MBD2: variants seen among roughly 807,000 people sequenced by gnomAD.
The protein encoded by MBD2 is methyl-CpG-binding domain protein 2.
Under a neutral mutation model 39.3 loss-of-function variants are expected in MBD2, and 9 were observed. The observed-to-expected ratio is 0.23, with a 90% CI of 0.14 to 0.40. The LOEUF (loss-of-function observed/expected upper bound fraction) is 0.40, where lower values mean the gene tolerates loss of function less well. Ranked by LOEUF, MBD2 falls within the 10% of genes least tolerant of loss-of-function variation. MBD2 has a pLI of 1.00. For synonymous variants in MBD2, 233 were observed against 211.1 expected (o/e 1.10, Z -0.90); for missense variants, 458 against 532.6 (o/e 0.86, Z 1.38).
chr18:54,201,690 G>A (rs949439694), intron 2 of MBD2, among the ~76,000 whole-genome samples: 2 of 151,792 alleles, frequency 1.3e-5, no homozygotes, highest in African/African-American at 2.4e-5. Flanking sequence ...GTGAAACTCC[G>A]TCTCTACTAA....
At chr18:54,206,026 C>G (rs192981224) in intron 1 of MBD2, among the ~76,000 whole-genome samples, 41 of 152,116 alleles carry the variant, frequency 2.7e-4, no homozygotes, top group African/African-American at 9.9e-4. Flanking sequence ...CCAATTTGGG[C>G]TCATAACACT....
At chr18:54,199,850 T>A (rs1457574180) in intron 2 of MBD2, among the ~76,000 whole-genome samples, 3 of 152,184 alleles carry the variant, frequency 2.0e-5, no homozygotes, top group Non-Finnish European at 1.5e-5. Context: ...GTCTCCATAC[T>A]GTGCCCCACT....
At chr18:54,189,725 C>A (rs944532412) in intron 2 of MBD2, among the ~76,000 whole-genome samples, 5 of 152,082 alleles carry the variant, frequency 3.3e-5, no homozygotes, top group Non-Finnish European at 7.4e-5. Flanking sequence ...TCATGGCTCA[C>A]GGCAGCCTTG....
rs181169844 is a variant in MBD2 at position 54,207,801 on chromosome 18, G to T, written c.543-2644C>A. Among the ~76,000 whole-genome samples, 309 of 152,240 alleles carry T rather than the reference G, an allele frequency of 2.0e-3. 4 individuals carry two copies. The highest frequency in any genetic ancestry group is 0.01 in the Middle Eastern group (3 of 294). Reference sequence around the variant, plus strand: ...GCCTGTAATCCCAGCACTTTGGGAGGCCGAGGCGGGCAGATCACGAGGTCA... The same window carrying T: ...GCCTGTAATCCCAGCACTTTGGGAGTCCGAGGCGGGCAGATCACGAGGTCA... On this transcript the variant is annotated intron_variant, in intron 1 of 6. Transcript: ENST00000256429.
At chr18:54,164,371 T>C in intron 5 of MBD2, 152 bp downstream of exon 5, 1 of 645,326 alleles carries the variant, frequency 1.5e-6, no homozygotes, top group Non-Finnish European at 2.6e-6. Context: ...TTTCACCTTC[T>C]ATCAGTTTCT....
chr18:54,165,543 A>G (rs536667246), intron 4 of MBD2, among the ~76,000 whole-genome samples: 1 of 152,328 alleles, frequency 6.6e-6, no homozygotes, highest in East Asian at 1.9e-4. Flanking sequence ...CTCATACAGC[A>G]TGAAATGTAG....
intron 3 of MBD2, among the ~76,000 whole-genome samples, chr18:54,170,432 A>G (rs1259795728): frequency 1.3e-5 from 2 of 152,198 alleles, no homozygotes; most frequent in Non-Finnish European, 2.9e-5. Flanking sequence ...ACTCCTCGCC[A>G]CCATTCACAG....
Position 54,164,543 on chromosome 18 carries a change from A to G in MBD2, c.1089T>C (p.Ile363=). The G allele has an allele frequency of 6.2e-7, 1 of 1,613,406 alleles. No individual in the cohort carries two copies. Among genetic ancestry groups the G allele is most frequent in the Non-Finnish European group, 8.5e-7 (1 of 1,179,314 alleles). ...NTSQPLCKAF[I]VTDEDIRKQE... ...ATTACCTGATGTCTTCATCTGTGAC[A>G]ATAAAAGCTTTGCAGAGGGGTTGAG... is the stretch of plus-strand genomic sequence containing the variant. The change falls in exon 5 of 7, where the codon ATT becomes ATC. Residue 363 remains isoleucine, a synonymous_variant. Coordinates refer to ENST00000256429, the MANE Select transcript of MBD2 (RefSeq NM_003927.5).
Position 54,153,139 on chromosome 18 carries a change from G to A in MBD2, c.*2185C>T, listed in dbSNP as rs1053609629. On this transcript the variant is annotated 3_prime_UTR_variant, in exon 7 of 7. Coordinates refer to ENST00000256429, the MANE Select transcript of MBD2 (RefSeq NM_003927.5). ...GGACAGGAAAGGCAGTTCATATGAA[G>A]GCAGTGATCGTGGGGATGGAGGAGA... 1 of 152,540 alleles carries A rather than the reference G, an allele frequency of 6.6e-6. No homozygotes were observed. Among genetic ancestry groups the A allele is most frequent in the East Asian group, 1.9e-4 (1 of 5,202 alleles). 9.4% of individuals were successfully genotyped at this position (152,540 alleles called of 1,614,324 possible). A position where few individuals can be genotyped will look rare whatever the true frequency, so the allele number is the denominator to read the frequency against.
At chr18:54,163,404 A>G (rs2086110101) in intron 5 of MBD2, among the ~76,000 whole-genome samples, 1 of 152,212 alleles carries the variant, frequency 6.6e-6, no homozygotes, top group Non-Finnish European at 1.5e-5. Flanking sequence ...GAAATAGTGA[A>G]GTATACACAA....
At position 54,153,040 on chromosome 18, in the gene MBD2, T is replaced by C. The variant is rs1317091068; in HGVS notation, c.*2284A>G. 2 of 152,124 alleles carry C rather than the reference T, an allele frequency of 1.3e-5. No individual in the cohort carries two copies. Among genetic ancestry groups the C allele is most frequent in the East Asian group, 3.9e-4 (2 of 5,188 alleles). 9.4% of individuals were successfully genotyped at this position (152,124 alleles called of 1,614,324 possible). A position where few individuals can be genotyped will look rare whatever the true frequency, so the allele number is the denominator to read the frequency against. ...GTTTTGATGATCTTTCTGATGACTA[T>C]GTGGAGGGATGGAGAGAGGGAAGGG... On this transcript the variant is annotated 3_prime_UTR_variant, in exon 7 of 7. Transcript: ENST00000256429.
intron 3 of MBD2, among the ~76,000 whole-genome samples, chr18:54,184,734 G>T (rs1752956803): frequency 6.6e-6 from 1 of 152,124 alleles, no homozygotes; most frequent in South Asian, 2.1e-4. Flanking sequence ...ATTTCCTCAA[G>T]CCTCCTAGCA....
chr18:54,191,444 A>G (rs583268), intron 2 of MBD2, among the ~76,000 whole-genome samples: 5,830 of 152,298 alleles, frequency 0.038, 359 homozygotes, highest in African/African-American at 0.13. Context: ...TAGAGTCTTC[A>G]TATAAAATCC....
chr18:54,192,605 C>T (rs937723407), intron 2 of MBD2, among the ~76,000 whole-genome samples: 6 of 152,258 alleles, frequency 3.9e-5, no homozygotes, highest in African/African-American at 1.4e-4. Context: ...CTTCAGTAGA[C>T]ACACAGAAGT....
At chr18:54,201,841 C>T (rs1254401694) in intron 2 of MBD2, among the ~76,000 whole-genome samples, 9 of 146,132 alleles carry the variant, frequency 6.2e-5, no homozygotes, top group East Asian at 4.0e-4. Context: ...CCAGCCTGGG[C>T]GACAGAGCGA....
At chr18:54,159,204 C>G (rs1452300704) in intron 6 of MBD2, among the ~76,000 whole-genome samples, 1 of 152,088 alleles carries the variant, frequency 6.6e-6, no homozygotes, top group Non-Finnish European at 1.5e-5. Context: ...GGCTTTCCAC[C>G]TGGTCTTAAT....
At chr18:54,187,551 TG>T (rs2086293814) in intron 3 of MBD2, among the ~76,000 whole-genome samples, 1 of 152,196 alleles carries the variant, frequency 6.6e-6, no homozygotes, top group South Asian at 2.1e-4. Flanking sequence ...ATGAATATAC[TG>T]CAACCTCCTG....
chr18:54,210,558 C>A (rs1274181642), intron 1 of MBD2, among the ~76,000 whole-genome samples: 1 of 152,196 alleles, frequency 6.6e-6, no homozygotes. Context: ...CATGGATAAT[C>A]ATAATGTTCA....
At chr18:54,156,278 T>C (rs1018779859) in intron 6 of MBD2, among the ~76,000 whole-genome samples, 8 of 152,238 alleles carry the variant, frequency 5.3e-5, no homozygotes, top group African/African-American at 1.9e-4. Flanking sequence ...TCTATAAGTC[T>C]AATGGCTTGA....
Sources: allele counts gnomAD v4.1 joint callset (sites outside exome capture counted in the v4.1 genomes callset), GRCh38; gene constraint gnomAD v4.1.1; transcripts MANE v1.5; gene names NCBI Gene and HGNC (gene_info 2026-07-23, HGNC 2026-07-21).